GALNT17: variants seen among roughly 807,000 people sequenced by gnomAD.
GALNT17 encodes the protein UDP-GalNAc:polypeptide N-acetylgalactosaminyltransferase-like 3.
Under a neutral mutation model 63.7 loss-of-function variants are expected in GALNT17, and 29 were observed. The observed-to-expected ratio is 0.46, with a 90% CI of 0.34 to 0.62. The LOEUF is 0.62. GALNT17 is among the 20% of genes least tolerant of loss of function. The probability of loss-of-function intolerance (pLI) is 0.01; values close to 1 mark genes in which losing one functional copy is unlikely to be tolerated. For synonymous variants in GALNT17, 305 were observed against 318.3 expected (o/e 0.96, Z 0.45); for missense variants, 603 against 799.6 (o/e 0.75, Z 2.97).
chr7:71,141,707 C>T (rs1311953089), intron 1 of GALNT17, among the ~76,000 whole-genome samples: 9 of 146,410 alleles, frequency 6.1e-5, no homozygotes, highest in South Asian at 2.2e-4. Flanking sequence ...AACAGAGTCT[C>T]GCTCTGTTAC....
intron 6 of GALNT17, among the ~76,000 whole-genome samples, chr7:71,653,028 GT>G (rs374818154): frequency 7.7e-4 from 100 of 129,220 alleles, no homozygotes; most frequent in African/African-American, 2.5e-3. Context: ...TTTTGTTTTT[GT>G]TTTTTTTGAC....
At chr7:71,245,106 T>C (rs1306196063) in intron 1 of GALNT17, among the ~76,000 whole-genome samples, 3 of 152,150 alleles carry the variant, frequency 2.0e-5, no homozygotes, top group Non-Finnish European at 4.4e-5. Flanking sequence ...TTTTCTTGGC[T>C]CCTGGATAAT....
At chr7:71,298,498 C>T (rs888175852) in intron 1 of GALNT17, among the ~76,000 whole-genome samples, 3 of 152,174 alleles carry the variant, frequency 2.0e-5, no homozygotes, top group East Asian at 3.9e-4. Flanking sequence ...CGGGCATGGA[C>T]GCGAGTCTTA....
At chr7:71,458,259 A>C (rs191687405) in intron 5 of GALNT17, among the ~76,000 whole-genome samples, 1 of 152,286 alleles carries the variant, frequency 6.6e-6, no homozygotes, top group African/African-American at 2.4e-5. Context: ...CATTGCATTA[A>C]CAACTACATC....
At chr7:71,470,828 C>G (rs1414815440) in intron 5 of GALNT17, among the ~76,000 whole-genome samples, 1 of 151,994 alleles carries the variant, frequency 6.6e-6, no homozygotes, top group Non-Finnish European at 1.5e-5. Context: ...TTGCTTTTCC[C>G]TATGTCCTTT....
chr7:71,443,654 C>T (rs1021096399), intron 5 of GALNT17, among the ~76,000 whole-genome samples: 1 of 152,128 alleles, frequency 6.6e-6, no homozygotes, highest in African/African-American at 2.4e-5. Context: ...TGATGCCATG[C>T]TTCTTGTACA....
At chr7:71,307,939 A>G (rs1269678632) in intron 1 of GALNT17, among the ~76,000 whole-genome samples, 1 of 151,734 alleles carries the variant, frequency 6.6e-6, no homozygotes, top group African/African-American at 2.4e-5. Context: ...GAAAGAGGCC[A>G]CACTGAGACC....
chr7:71,578,259 C>T (rs947933186), intron 6 of GALNT17, among the ~76,000 whole-genome samples: 4 of 152,158 alleles, frequency 2.6e-5, no homozygotes, highest in African/African-American at 9.6e-5. Flanking sequence ...TGGTCTGGAA[C>T]TCCTGACCTC....
chr7:71,638,930 G>A (rs1477199653), intron 6 of GALNT17, among the ~76,000 whole-genome samples: 2 of 152,144 alleles, frequency 1.3e-5, no homozygotes, highest in Non-Finnish European at 2.9e-5. Context: ...ATCAGAGGCT[G>A]GGAAGGGTAG....
chr7:71,373,057 C>A (rs2116281899), intron 2 of GALNT17, among the ~76,000 whole-genome samples: 1 of 152,260 alleles, frequency 6.6e-6, no homozygotes, highest in African/African-American at 2.4e-5. Context: ...AACCTCTACT[C>A]CTGGGCATGA....
intron 9 of GALNT17, among the ~76,000 whole-genome samples, chr7:71,696,697 G>A (rs1472671646): frequency 6.6e-6 from 1 of 152,146 alleles, no homozygotes; most frequent in Admixed American, 6.5e-5. Context: ...CCCCCTAAAT[G>A]AGAATTAATT....
chr7:71,229,699 A>T (rs1308650149), intron 1 of GALNT17, among the ~76,000 whole-genome samples: 1 of 152,182 alleles, frequency 6.6e-6, no homozygotes, highest in Non-Finnish European at 1.5e-5. Flanking sequence ...AAAGGTGCCT[A>T]ACTCAACCCA....
chr7:71,507,117 C>T (rs1788281798), intron 5 of GALNT17, among the ~76,000 whole-genome samples: 1 of 152,182 alleles, frequency 6.6e-6, no homozygotes, highest in African/African-American at 2.4e-5. Context: ...CACCTGTACT[C>T]CCAGTTACTT....
chr7:71,141,261 G>T (rs1363474617), intron 1 of GALNT17, among the ~76,000 whole-genome samples: 1 of 152,040 alleles, frequency 6.6e-6, no homozygotes, highest in Non-Finnish European at 1.5e-5. Flanking sequence ...CAGCTACTCG[G>T]GGGGCTGAGG....
At chr7:71,206,900 T>C (rs1315032612) in intron 1 of GALNT17, among the ~76,000 whole-genome samples, 1 of 151,914 alleles carries the variant, frequency 6.6e-6, no homozygotes, top group Non-Finnish European at 1.5e-5. Flanking sequence ...GGTCAGGAGA[T>C]CGAGACCATC....
intron 5 of GALNT17, among the ~76,000 whole-genome samples, chr7:71,452,727 G>A (rs550296801): frequency 4.0e-4 from 61 of 152,274 alleles, no homozygotes; most frequent in Non-Finnish European, 8.1e-4. Flanking sequence ...AGAGCAGGGG[G>A]TGACTCTGTC....
intron 10 of GALNT17, among the ~76,000 whole-genome samples, chr7:71,711,672 TTC>T (rs1363941006): frequency 2.0e-5 from 3 of 148,118 alleles, no homozygotes; most frequent in African/African-American, 2.5e-5. Context: ...CTTTCTCTTT[TTC>T]TCTCTCTCCT....
intron 1 of GALNT17, among the ~76,000 whole-genome samples, chr7:71,220,542 T>C (rs1372451924): frequency 1.3e-5 from 2 of 152,160 alleles, no homozygotes; most frequent in Non-Finnish European, 1.5e-5. Context: ...TAAATAGCCA[T>C]GGGGTGTAGT....
At chr7:71,644,613 T>G (rs1405979431) in intron 6 of GALNT17, among the ~76,000 whole-genome samples, 1 of 148,760 alleles carries the variant, frequency 6.7e-6, no homozygotes, top group Non-Finnish European at 1.5e-5. Flanking sequence ...CAGCCAGGCA[T>G]GGTGGTGCAC....
Sources: gnomAD v4.1 joint callset for allele counts (sites outside exome capture counted in the v4.1 genomes callset) on GRCh38, gnomAD v4.1.1 for gene constraint, MANE v1.5 for transcripts, NCBI Gene and HGNC (gene_info 2026-07-23, HGNC 2026-07-21) for gene names.